The following MTMR3 variants were observed in gnomAD, a reference collection of about 807,000 sequenced individuals.
MTMR3 encodes phosphatidylinositol-3,5-bisphosphate 3-phosphatase MTMR3.
Under a neutral mutation model 132.4 loss-of-function variants are expected in MTMR3, and 32 were observed. The ratio of observed to expected loss-of-function variants is 0.24; its 90% CI spans 0.18 to 0.32. MTMR3 has a LOEUF of 0.32. MTMR3 is among the 10% of genes least tolerant of loss of function. MTMR3 has a pLI of 1.00. For synonymous variants in MTMR3, 556 were observed against 550.3 expected, an observed-to-expected ratio of 1.01 and a Z score of -0.14; for missense variants, 1,216 against 1,489.6, an observed-to-expected ratio of 0.82 and a Z score of 3.02.
intron 16 of MTMR3, chr22:30,019,088 TC>T (rs2067676716): frequency 2.9e-5 from 5 of 169,544 alleles, no homozygotes. Flanking sequence ...ACACCTATAA[TC>T]CCAGCTACTC....
At chr22:29,943,414 C>T (rs1289319024) in intron 1 of MTMR3, among the ~76,000 whole-genome samples, 3 of 152,014 alleles carry the variant, frequency 2.0e-5, no homozygotes, top group Admixed American at 6.6e-5. Context: ...AGGATGGTCT[C>T]GATCTGACCT....
At chr22:29,985,966 G>A (rs1338718976) in intron 5 of MTMR3, 2 of 152,222 alleles carry the variant, frequency 1.3e-5, no homozygotes, top group East Asian at 3.8e-4. Context: ...TTGTAGCAAA[G>A]TAGCAAAGGC....
chr22:29,979,781 C>T (rs1291187846), intron 5 of MTMR3: 1 of 152,328 alleles, frequency 6.6e-6, no homozygotes, highest in Non-Finnish European at 1.5e-5. Context: ...ACTCTCATTA[C>T]AGCATGAGGT....
At chr22:29,997,150 T>C (rs1034442642) in intron 7 of MTMR3, 1 of 152,340 alleles carries the variant, frequency 6.6e-6, no homozygotes, top group Admixed American at 6.5e-5. Context: ...TTTTCCAAAA[T>C]GGGATGGATT....
chr22:29,978,471 C>T lies in MTMR3; in HGVS notation c.33C>T (p.Cys11=), dbSNP rs754320630. 3 of 1,613,662 alleles carry T rather than the reference C, an allele frequency of 1.9e-6. No individual in the cohort carries two copies. Among genetic ancestry groups the T allele is most frequent in the Non-Finnish European group, 2.5e-6 (3 of 1,179,700 alleles). Reference sequence around the variant, plus strand: ...AAGAGACTCGGCACAGCCTTGAGTGCATCCAGGCCAATCAGATCTTTCCCA... The same window carrying T: ...AAGAGACTCGGCACAGCCTTGAGTGTATCCAGGCCAATCAGATCTTTCCCA... MDEETRHSLE[C]IQANQIFPRK... is the part of the protein sequence containing the mutation. Residue 11 remains cysteine, a synonymous_variant, in exon 4 of 20, where the codon TGC becomes TGT. Coordinates refer to ENST00000401950, the MANE Select transcript of MTMR3 (RefSeq NM_021090.4).
intron 2 of MTMR3, among the ~76,000 whole-genome samples, chr22:29,966,789 G>A (rs1306424133): frequency 6.6e-6 from 1 of 151,228 alleles, no homozygotes; most frequent in African/African-American, 2.4e-5. Flanking sequence ...CTGTGTGTGT[G>A]TGAGAGAGAG....
chr22:30,007,295 G>A lies in MTMR3; in HGVS notation c.853G>A (p.Gly285Arg). ...RNTSRDFPNG[G>R]DLSDVEFDSS... ...CACTTCTCGAGACTTTCCCAATGGGGGAGACCTTTCTGACGTGGAGTTCGG... is the reference window on the plus strand; with the variant it reads ...CACTTCTCGAGACTTTCCCAATGGGAGAGACCTTTCTGACGTGGAGTTCGG... The change falls in exon 10 of 20, where the codon GGA becomes AGA. Residue 285 changes from glycine to arginine, a missense_variant. Transcript: ENST00000401950. 6.2e-7 allele frequency: 1 copy of A among 1,614,140 alleles called. No homozygotes were observed. Among genetic ancestry groups the A allele is most frequent in the Non-Finnish European group, 8.5e-7 (1 of 1,180,024 alleles).
At chr22:29,959,964 A>T (rs1454840729) in intron 2 of MTMR3, among the ~76,000 whole-genome samples, 2 of 151,550 alleles carry the variant, frequency 1.3e-5, no homozygotes, top group African/African-American at 4.9e-5. Context: ...CTAGGGTCTC[A>T]TTATGTTGCT....
intron 15 of MTMR3, chr22:30,017,377 C>T (rs2067622257): frequency 6.4e-6 from 1 of 156,112 alleles, no homozygotes; most frequent in Admixed American, 6.5e-5. Context: ...TAATATGGTT[C>T]TCATTACATT....
At chr22:29,951,182 T>C (rs909438666) in intron 1 of MTMR3, among the ~76,000 whole-genome samples, 12 of 152,120 alleles carry the variant, frequency 7.9e-5, no homozygotes, top group African/African-American at 2.7e-4. Context: ...GTGTTCTGCA[T>C]GTAGAAGGGA....
rs141956961 is a variant in MTMR3 at position 29,964,641 on chromosome 22, T to G, written c.-84-6335T>G. Reference sequence around the variant, plus strand: ...CTGTGAGTTACACACCAGGATATCTTTCACATACTTAGGCTTTTATCCGTA... The same window carrying G: ...CTGTGAGTTACACACCAGGATATCTGTCACATACTTAGGCTTTTATCCGTA... On this transcript the variant is annotated intron_variant, in intron 2 of 19. Coordinates refer to ENST00000401950, the MANE Select transcript of MTMR3 (RefSeq NM_021090.4). Among the ~76,000 whole-genome samples, 152 of 152,320 alleles carry G rather than the reference T, an allele frequency of 1.0e-3. 5 individuals carry two copies. In the East Asian group the frequency reaches 0.027, roughly 27 times the overall value.
chr22:30,002,836 T>C, intron 8 of MTMR3, 44 bp from the exon 9 acceptor site: 1 of 1,461,968 alleles, frequency 6.8e-7, no homozygotes, highest in Non-Finnish European at 9.6e-7. Flanking sequence ...TCTCTCTCCC[T>C]CTCTTATCCC....
At chr22:29,890,098 G>A (rs1490178423) in intron 1 of MTMR3, among the ~76,000 whole-genome samples, 2 of 151,648 alleles carry the variant, frequency 1.3e-5, no homozygotes, top group African/African-American at 4.8e-5. Flanking sequence ...AGTAGAGACA[G>A]GGTTTCACCA....
intron 1 of MTMR3, among the ~76,000 whole-genome samples, chr22:29,950,887 T>C (rs1197879620): frequency 7.3e-6 from 1 of 137,638 alleles, no homozygotes; most frequent in Non-Finnish European, 1.8e-5. Context: ...GCGCAGTGGC[T>C]TACGCCTGTA....
In MTMR3 at chr22:30,019,286, A is replaced by G. The variant is rs115181327; in HGVS notation, c.1821-194A>G. On this transcript the variant is annotated intron_variant, in intron 16 of 19. Transcript: ENST00000401950. ...TGGGGTTGGGGGAGTTTGAAAGGAA[A>G]TCTGCACACTAGGAGGACTTGTTCC... 2.4e-3 allele frequency: 1,391 copies of G among 588,890 alleles called. 17 individuals carry two copies. Among genetic ancestry groups the G allele is most frequent in the African/African-American group, 0.022 (1,202 of 53,882 alleles). The allele number at this position is 588,890 out of a possible 1,614,324, so 36.5% of individuals were successfully genotyped here.
intron 5 of MTMR3, chr22:29,986,966 C>T (rs373147680): frequency 6.6e-6 from 1 of 152,166 alleles, no homozygotes; most frequent in African/African-American, 2.4e-5. Context: ...GTCTCAAACT[C>T]CTGACCTCAG....
chr22:29,978,228 A>G lies in MTMR3; in HGVS notation c.4-214A>G, dbSNP rs2066668354. The stretch of plus-strand genomic sequence containing the variant: ...TAATAGAAATATTCTAACCTCTTTG[A>G]CATTTTTTTTGCATCAATGTGTTTT... On this transcript the variant is annotated intron_variant, in intron 3 of 19. Transcript: ENST00000401950. The G allele has an allele frequency of 7.5e-6, 3 of 400,362 alleles. No individual in the cohort carries two copies. The Admixed American group carries it at 1.1e-4, about 14-fold the overall frequency. 24.8% of individuals were successfully genotyped at this position (400,362 alleles called of 1,614,324 possible).
intron 5 of MTMR3, chr22:29,982,211 TAAAAAAAAAAA>T (rs71328819): frequency 1.2e-4 from 5 of 41,142 alleles, no homozygotes; most frequent in East Asian, 2.2e-3. Flanking sequence ...TCTGTCTCAT[TAAAAAAAAAAA>T]AAAAAAAAAA....
chr22:29,948,462 T>A (rs972999823), intron 1 of MTMR3, among the ~76,000 whole-genome samples: 1 of 152,232 alleles, frequency 6.6e-6, no homozygotes, highest in African/African-American at 2.4e-5. Flanking sequence ...CTGATAGATA[T>A]TTTTTTAGTG....
Sources: allele counts gnomAD v4.1 joint callset (sites outside exome capture counted in the v4.1 genomes callset), GRCh38; gene constraint gnomAD v4.1.1; transcripts MANE v1.5; gene names NCBI Gene and HGNC (gene_info 2026-07-23, HGNC 2026-07-21).